ATP8B4: variants seen among roughly 807,000 people sequenced by gnomAD.
ATP8B4 encodes probable phospholipid-transporting ATPase IM.
In ATP8B4, 133 loss-of-function variants were observed where a neutral mutation model predicts 145.6. That is an observed-to-expected ratio of 0.91 (90% CI 0.79 to 1.05). The LOEUF is 1.05. Among genes scored for constraint, ATP8B4 ranks in the 50% least tolerant of loss-of-function variants. The pLI, the probability that ATP8B4 is intolerant of heterozygous loss-of-function variation, is 0.00. For missense variants in ATP8B4, 1,458 were observed against 1,425.2 expected (o/e 1.02, Z -0.37); for synonymous variants, 507 against 492.9 (o/e 1.03, Z -0.38).
intron 2 of ATP8B4, among the ~76,000 whole-genome samples, chr15:50,076,466 T>TG (rs2054179401): frequency 6.6e-6 from 1 of 150,760 alleles, no homozygotes; most frequent in African/African-American, 2.5e-5. Context: ...CACCCCAGCC[T>TG]GGCGACAGAG....
chr15:49,921,831 T>C (rs1056274852), intron 17 of ATP8B4, among the ~76,000 whole-genome samples: 4 of 152,200 alleles, frequency 2.6e-5, no homozygotes, highest in African/African-American at 9.6e-5. Flanking sequence ...GGAATCACAT[T>C]TTGCAAGCCC....
chr15:49,986,345 G>C (rs1304417166), intron 10 of ATP8B4, among the ~76,000 whole-genome samples: 1 of 152,178 alleles, frequency 6.6e-6, no homozygotes, highest in African/African-American at 2.4e-5. Context: ...GGAAGATAAA[G>C]GAATGTTCAT....
rs187157819 is a variant in ATP8B4 at position 49,881,136 on chromosome 15, A to G, written c.2698-1677T>C. Among the ~76,000 whole-genome samples, 3 of 149,946 alleles carry G rather than the reference A, an allele frequency of 2.0e-5. No homozygotes were observed. In the South Asian group the frequency reaches 6.2e-4, roughly 31 times the overall value. Reference sequence around the variant, plus strand: ...CAAAACAAACAAACAAACAAACAAAAAAAAGCCTTGATTTGTAGCATTTGC... The same window carrying G: ...CAAAACAAACAAACAAACAAACAAAGAAAAGCCTTGATTTGTAGCATTTGC... On this transcript the variant is annotated intron_variant, in intron 23 of 27. Coordinates refer to ENST00000284509, the MANE Select transcript of ATP8B4 (RefSeq NM_024837.4).
intron 5 of ATP8B4, among the ~76,000 whole-genome samples, chr15:50,039,709 T>A (rs2051122950): frequency 6.6e-6 from 1 of 151,582 alleles, no homozygotes; most frequent in South Asian, 2.1e-4. Context: ...ACTTTAATCA[T>A]CAGAATGTTT....
rs571816953 is a variant in ATP8B4 at position 49,924,764 on chromosome 15, T to C, written c.1643-1270A>G. ...TAAGACCCTTGGTTAGCTTGCCTAATTGCCAGAACTCATGTGGGTTTTCTT... is the reference window on the plus strand; with the variant it reads ...TAAGACCCTTGGTTAGCTTGCCTAACTGCCAGAACTCATGTGGGTTTTCTT... On this transcript the variant is annotated intron_variant, in intron 16 of 27. Transcript: ENST00000284509. Among the ~76,000 whole-genome samples the C allele has an allele frequency of 5.9e-5, 9 of 152,266 alleles. No individual in the cohort carries two copies. The South Asian group carries it at 1.5e-3, about 25-fold the overall frequency.
At chr15:49,897,161 A>G (rs1191040225) in intron 23 of ATP8B4, 131 bp downstream of exon 23, 7 of 807,854 alleles carry the variant, frequency 8.7e-6, no homozygotes, top group African/African-American at 1.7e-5. Context: ...CATAATTGTA[A>G]TACTATTACT....
chr15:50,160,114 T>C (rs2044495006), intron 1 of ATP8B4, among the ~76,000 whole-genome samples: 1 of 147,284 alleles, frequency 6.8e-6, no homozygotes, highest in Admixed American at 6.9e-5. Context: ...TTCTGCATGG[T>C]TAAATCTTGG....
At chr15:49,961,853 A>C (rs1403096048) in intron 14 of ATP8B4, 124 bp downstream of exon 14, 1 of 748,912 alleles carries the variant, frequency 1.3e-6, no homozygotes, top group Non-Finnish European at 2.1e-6. Context: ...CTATTTTTTA[A>C]TGCTATGCAT....
intron 20 of ATP8B4, chr15:49,901,903 T>A: frequency 2.7e-6 from 1 of 372,098 alleles, no homozygotes; most frequent in Non-Finnish European, 5.2e-6. Flanking sequence ...TAGAGGGTTG[T>A]TCCAAATGGA....
chr15:50,142,327 C>T (rs1263770797), intron 1 of ATP8B4, among the ~76,000 whole-genome samples: 1 of 152,054 alleles, frequency 6.6e-6, no homozygotes, highest in African/African-American at 2.4e-5. Context: ...CAGAAAAACA[C>T]ACAGAGCATC....
At chr15:49,980,981 A>G (rs2046101625) in intron 11 of ATP8B4, among the ~76,000 whole-genome samples, 1 of 152,246 alleles carries the variant, frequency 6.6e-6, no homozygotes, top group Non-Finnish European at 1.5e-5. Flanking sequence ...AAGACCATGA[A>G]TACCTCCATA....
At chr15:49,994,827 A>G (rs2047300012) in intron 9 of ATP8B4, among the ~76,000 whole-genome samples, 1 of 152,106 alleles carries the variant, frequency 6.6e-6, no homozygotes, top group South Asian at 2.1e-4. Context: ...CTCAACAAGT[A>G]TTCATACTTG....
At chr15:50,176,249 C>T (rs753334964) in intron 1 of ATP8B4, among the ~76,000 whole-genome samples, 4 of 152,062 alleles carry the variant, frequency 2.6e-5, no homozygotes, top group Non-Finnish European at 5.9e-5. Flanking sequence ...GACTATTATT[C>T]TAAGTGATGC....
intron 2 of ATP8B4, among the ~76,000 whole-genome samples, chr15:50,085,901 TC>T (rs2054908591): frequency 1.2e-5 from 1 of 81,970 alleles, no homozygotes; most frequent in East Asian, 3.4e-4. Flanking sequence ...ATGATATATA[TC>T]ATATATATTT....
intron 2 of ATP8B4, among the ~76,000 whole-genome samples, chr15:50,092,087 T>C (rs988398214): frequency 2.0e-5 from 3 of 152,090 alleles, no homozygotes; most frequent in Admixed American, 6.6e-5. Context: ...ATAATTAGAG[T>C]TCAGAGCCTA....
chr15:49,867,653 T>C (rs1369043242), intron 25 of ATP8B4, among the ~76,000 whole-genome samples: 1 of 151,900 alleles, frequency 6.6e-6, no homozygotes, highest in Non-Finnish European at 1.5e-5. Flanking sequence ...CAAAGAAAAA[T>C]TACAACCCAT....
chr15:49,941,897 G>A (rs2042190109), intron 14 of ATP8B4, among the ~76,000 whole-genome samples: 1 of 152,190 alleles, frequency 6.6e-6, no homozygotes, highest in African/African-American at 2.4e-5. Context: ...CAGCAACTTG[G>A]ATGAGGTTGG....
At chr15:49,971,373 T>TGACAAAGGACTAATATCCAGAATC (rs2045113098) in intron 13 of ATP8B4, among the ~76,000 whole-genome samples, 1 of 152,242 alleles carries the variant, frequency 6.6e-6, no homozygotes, top group African/African-American at 2.4e-5. Context: ...TCTATCCATC[T>TGACAAAGGACTAATATCCAGAATC]GACAAAGGAC....
intron 6 of ATP8B4, among the ~76,000 whole-genome samples, chr15:50,034,777 A>C (rs1035990378): frequency 1.3e-5 from 2 of 152,194 alleles, no homozygotes; most frequent in African/African-American, 4.8e-5. Context: ...GCGTGGGATT[A>C]GGTGACCTCT....
Sources: gnomAD v4.1 joint callset for allele counts (sites outside exome capture counted in the v4.1 genomes callset) on GRCh38, gnomAD v4.1.1 for gene constraint, MANE v1.5 for transcripts, NCBI Gene and HGNC (gene_info 2026-07-23, HGNC 2026-07-21) for gene names.